SEPTIN2: variants seen among roughly 807,000 people sequenced by gnomAD.
The protein encoded by SEPTIN2 is septin 2.
SEPTIN2 carries 34 observed loss-of-function variants against 46.5 expected under a neutral mutation model. That is an observed-to-expected ratio of 0.73 (90% CI 0.56 to 0.97). The LOEUF (loss-of-function observed/expected upper bound fraction) is 0.97. Ranked by LOEUF, SEPTIN2 falls within the 50% of genes least tolerant of loss-of-function variation. The pLI, the probability that SEPTIN2 is intolerant of heterozygous loss-of-function variation, is 0.00. For synonymous variants in SEPTIN2, 175 were observed against 153.4 expected (o/e 1.14, Z -1.04); for missense variants, 347 against 448.4 (o/e 0.77, Z 2.04).
chr2:241,349,551 G>A (rs1372109801), intron 11 of SEPTIN2, among the ~76,000 whole-genome samples: 1 of 151,988 alleles, frequency 6.6e-6, no homozygotes, highest in South Asian at 2.1e-4. Flanking sequence ...GGCCGGGCGC[G>A]GTGGCTCACG....
intron 3 of SEPTIN2, among the ~76,000 whole-genome samples, chr2:241,327,567 T>C (rs1184734043): frequency 2.7e-5 from 4 of 149,218 alleles, no homozygotes; most frequent in Admixed American, 1.3e-4. Context: ...AGCAAAGTTG[T>C]AAATGCACAG....
intron 7 of SEPTIN2, among the ~76,000 whole-genome samples, chr2:241,339,702 C>T (rs999651049): frequency 3.9e-5 from 6 of 152,126 alleles, no homozygotes; most frequent in South Asian, 2.1e-4. Context: ...GCCCCTTGCT[C>T]GCTGCTTTTG....
intron 3 of SEPTIN2, among the ~76,000 whole-genome samples, chr2:241,332,538 T>C (rs2079168767): frequency 6.6e-6 from 1 of 152,208 alleles, no homozygotes; most frequent in Non-Finnish European, 1.5e-5. Context: ...CTGGAACTCT[T>C]ACTAGTGAGC....
intron 1 of SEPTIN2, among the ~76,000 whole-genome samples, chr2:241,319,252 T>C (rs1442265692): frequency 6.6e-6 from 1 of 152,230 alleles, no homozygotes; most frequent in Non-Finnish European, 1.5e-5. Context: ...GGAGCCCTTA[T>C]TTTTAGATAT....
At chr2:241,333,873 C>CAGGG (rs1382269866) in intron 3 of SEPTIN2, among the ~76,000 whole-genome samples, 1 of 152,138 alleles carries the variant, frequency 6.6e-6, no homozygotes, top group East Asian at 1.9e-4. Context: ...CTGTAAGGGA[C>CAGGG]AGGGTCTCAC....
At chr2:241,333,555 G>C (rs746371391) in intron 3 of SEPTIN2, among the ~76,000 whole-genome samples, 1 of 152,274 alleles carries the variant, frequency 6.6e-6, no homozygotes, top group Middle Eastern at 3.4e-3. Flanking sequence ...AGTCGCCCAC[G>C]CTGGAGTGCA....
At chr2:241,331,499 C>T (rs966751230) in intron 3 of SEPTIN2, among the ~76,000 whole-genome samples, 2 of 152,318 alleles carry the variant, frequency 1.3e-5, no homozygotes, top group African/African-American at 2.4e-5. Context: ...AAGTGATTCT[C>T]GTTTCTCAGC....
intron 2 of SEPTIN2, chr2:241,324,709 G>A (rs1485310052): frequency 1.1e-5 from 2 of 190,202 alleles, no homozygotes; most frequent in African/African-American, 4.8e-5. Context: ...AAAGCTTGGA[G>A]CTTTCTCTTT....
rs2077553463 is a variant in SEPTIN2, at chr2:241,324,124, TTCAGG to T, written c.-17-87_-17-83del. The T allele has an allele frequency of 1.1e-4, 126 of 1,183,906 alleles. No homozygotes were observed. In the South Asian group the frequency reaches 1.6e-3, roughly 15 times the overall value. The allele number at this position is 1,183,906 out of a possible 1,614,324, so 73.3% of individuals were successfully genotyped here. On this transcript the variant is annotated intron_variant, in intron 1 of 12. Coordinates refer to ENST00000391971, the MANE Select transcript of SEPTIN2 (RefSeq NM_004404.5). ...ATTGCCTATGTATGTGTAAGTCTTC[TTCAGG>T]TCAGTTCACGCTGTTAAATATACGT...
chr2:241,329,428 AT>A (rs780359864), intron 3 of SEPTIN2, among the ~76,000 whole-genome samples: 1 of 152,224 alleles, frequency 6.6e-6, no homozygotes, highest in Non-Finnish European at 1.5e-5. Flanking sequence ...AGACATCTTC[AT>A]GAAATAGATG....
intron 4 of SEPTIN2, 191 bp downstream of exon 4, chr2:241,335,403 C>CA (rs2079783419): frequency 2.7e-6 from 4 of 1,491,084 alleles, no homozygotes; most frequent in Non-Finnish European, 2.7e-6. Context: ...CTTTCTTTGA[C>CA]ACGTATCCAT....
Position 241,319,263 on chromosome 2 carries a change from G to C in SEPTIN2, c.-18+3281G>C, listed in dbSNP as rs2076800176. On this transcript the variant is annotated intron_variant, in intron 1 of 12. Coordinates refer to ENST00000391971, the MANE Select transcript of SEPTIN2 (RefSeq NM_004404.5). The stretch of plus-strand genomic sequence containing the variant: ...TTTAGGAGCCCTTATTTTTAGATAT[G>C]TGTAGTGGAATATAAATGAAATGTT... Among the ~76,000 whole-genome samples the C allele has an allele frequency of 2.0e-5, 3 of 152,212 alleles. No individual in the cohort carries two copies. In the South Asian group the frequency reaches 6.2e-4, roughly 32 times the overall value.
At position 241,353,218 on chromosome 2, in the gene SEPTIN2, A is replaced by G. The variant is rs2060907420; in HGVS notation, c.*1281A>G. The G allele has an allele frequency of 6.6e-6, 1 of 152,250 alleles. No individual in the cohort carries two copies. Among genetic ancestry groups the G allele is most frequent in the South Asian group, 2.1e-4 (1 of 4,830 alleles). 9.4% of individuals were successfully genotyped at this position (152,250 alleles called of 1,614,324 possible). A position where few individuals can be genotyped will look rare whatever the true frequency, so the allele number is the denominator to read the frequency against. The stretch of plus-strand genomic sequence containing the variant: ...GTCATGTCAAAGTGAAAGACATTTC[A>G]AATCTGTAGCATAGGCTAGTGGGCA... On this transcript the variant is annotated 3_prime_UTR_variant, in exon 13 of 13. Coordinates refer to ENST00000391971, the MANE Select transcript of SEPTIN2 (RefSeq NM_004404.5).
intron 8 of SEPTIN2, 49 bp downstream of exon 8, chr2:241,343,142 T>G (rs201172452): frequency 4.7e-5 from 50 of 1,060,822 alleles, no homozygotes; most frequent in Non-Finnish European, 7.0e-5. Flanking sequence ...TGTTTACTGT[T>G]GTCCATGTTG....
intron 12 of SEPTIN2, 84 bp downstream of exon 12, chr2:241,350,287 C>CCTG: frequency 1.4e-6 from 1 of 703,430 alleles, no homozygotes; most frequent in South Asian, 2.7e-5. Flanking sequence ...CTCCTTAAGC[C>CCTG]TCATTAATAT....
At chr2:241,334,188 A>G (rs1284286285) in intron 3 of SEPTIN2, among the ~76,000 whole-genome samples, 6 of 152,050 alleles carry the variant, frequency 3.9e-5, no homozygotes, top group African/African-American at 1.4e-4. Flanking sequence ...ATAATTTTTC[A>G]AAAGAGATGT....
At chr2:241,349,645 A>G (rs912500265) in intron 11 of SEPTIN2, among the ~76,000 whole-genome samples, 2 of 151,734 alleles carry the variant, frequency 1.3e-5, no homozygotes, top group Admixed American at 6.6e-5. Context: ...ATGTGGTGAA[A>G]CCCCGTCTCT....
At chr2:241,318,919 A>G (rs1239198072) in intron 1 of SEPTIN2, among the ~76,000 whole-genome samples, 1 of 151,950 alleles carries the variant, frequency 6.6e-6, no homozygotes, top group East Asian at 1.9e-4. Context: ...GATGGTCTCA[A>G]TCTTTTGACC....
At position 241,328,401 on chromosome 2, in the gene SEPTIN2, T is replaced by G. The variant is rs140123433; in HGVS notation, c.130+2288T>G. ...GAGCCAAGATTGCGCCACAGCACTT[T>G]AGTCTGGCGACAGAGCAAGACTCCG... On this transcript the variant is annotated intron_variant, in intron 3 of 12. Coordinates refer to ENST00000391971, the MANE Select transcript of SEPTIN2 (RefSeq NM_004404.5). Among the ~76,000 whole-genome samples, 201 of 150,962 alleles carry G rather than the reference T, an allele frequency of 1.3e-3. 1 individual carries two copies. Among genetic ancestry groups the G allele is most frequent in the African/African-American group, 4.7e-3 (191 of 41,066 alleles).
Sources: gnomAD v4.1 joint callset for allele counts (sites outside exome capture counted in the v4.1 genomes callset) on GRCh38, gnomAD v4.1.1 for gene constraint, MANE v1.5 for transcripts, NCBI Gene and HGNC (gene_info 2026-07-23, HGNC 2026-07-21) for gene names.